The following LGALS3 variants were observed in gnomAD, a reference collection of about 807,000 sequenced individuals.
The protein encoded by LGALS3 is galectin 3.
A neutral mutation model predicts 20.7 loss-of-function variants in LGALS3; 18 were observed. The observed-to-expected ratio is 0.87, with a 90% CI of 0.60 to 1.29. LGALS3 has a LOEUF of 1.29. Among genes scored for constraint, LGALS3 ranks in the 50% most tolerant of loss-of-function variants. The pLI is 0.00. For missense variants in LGALS3, 315 were observed against 314.7 expected (o/e 1.00, Z -0.01); for synonymous variants, 112 against 119.6 (o/e 0.94, Z 0.42).
In LGALS3 at chr14:55,141,740, A is replaced by G. The variant is rs77886871; in HGVS notation, c.432-844A>G. On this transcript the variant is annotated intron_variant, in intron 4 of 5. Coordinates refer to ENST00000254301, the MANE Select transcript of LGALS3 (RefSeq NM_002306.4). The stretch of plus-strand genomic sequence containing the variant: ...AATTCTATGCTGTTTTTTCCTTACA[A>G]ATTTAATCACTGGAAGATCATTTGT... Among the ~76,000 whole-genome samples, 25 of 152,350 alleles carry G rather than the reference A, an allele frequency of 1.6e-4. No homozygotes were observed. The East Asian group carries it at 4.8e-3, about 29-fold the overall frequency.
At chr14:55,140,449 GTCTT>G (rs1390060095) in intron 4 of LGALS3, 86 bp downstream of exon 4, 12 of 746,570 alleles carry the variant, frequency 1.6e-5, no homozygotes, top group Non-Finnish European at 2.7e-5. Flanking sequence ...TTCTTGCCCT[GTCTT>G]ACAGTGCTAT....
intron 4 of LGALS3, among the ~76,000 whole-genome samples, chr14:55,140,783 T>G (rs1262787383): frequency 6.6e-6 from 1 of 152,186 alleles, no homozygotes; most frequent in Non-Finnish European, 1.5e-5. Flanking sequence ...TTGAAGAGAT[T>G]CTACAAGTTA....
At position 55,140,289 on chromosome 14, in the gene LGALS3, C is replaced by A; in HGVS notation, c.357C>A (p.Asn119Lys). 6.2e-7 allele frequency: 1 copy of A among 1,612,866 alleles called. No individual in the cohort carries two copies. Among genetic ancestry groups the A allele is most frequent in the Non-Finnish European group, 8.5e-7 (1 of 1,179,002 alleles). ...APAGPLIVPY[N>K]LPLPGGVVPR... ...TTAATTCCCAGATTGTGCCTTATAA[C>A]CTGCCTTTGCCTGGGGGAGTGGTGC... Residue 119 changes from asparagine to lysine, a missense_variant, in exon 4 of 6, where the codon AAC becomes AAA. By Grantham distance (94) the Asn-to-Lys change is moderately conservative (BLOSUM62 0). Transcript: ENST00000254301.
intron 1 of LGALS3, among the ~76,000 whole-genome samples, chr14:55,132,466 T>G (rs1051693602): frequency 3.9e-5 from 6 of 152,236 alleles, no homozygotes; most frequent in Non-Finnish European, 5.9e-5. Context: ...GAAAAAAATT[T>G]CAGGCAAGTA....
Position 55,138,090 on chromosome 14 carries a change from T to G in LGALS3, c.64T>G (p.Trp22Gly). The G allele has an allele frequency of 6.6e-7, 1 of 1,521,408 alleles. No individual in the cohort carries two copies. Among genetic ancestry groups the G allele is most frequent in the Non-Finnish European group, 8.8e-7 (1 of 1,137,568 alleles). 94.2% of individuals were successfully genotyped at this position (1,521,408 alleles called of 1,614,324 possible). A position where few individuals can be genotyped will look rare whatever the true frequency, so the allele number is the denominator to read the frequency against. Residue 22 changes from tryptophan to glycine, a missense_variant, in exon 3 of 6, where the codon TGG (tryptophan) becomes GGG (glycine). Trp to Gly is a radical substitution (Grantham distance 184, BLOSUM62 -2). Transcript: ENST00000254301. Reference sequence around the variant, plus strand: ...GTCTGGAAACCCAAACCCTCAAGGATGGCCTGGCGCATGGGGGAACCAGCC... The same window carrying G: ...GTCTGGAAACCCAAACCCTCAAGGAGGGCCTGGCGCATGGGGGAACCAGCC... Reference protein sequence around the residue: ...SGSGNPNPQGWPGAWGNQPAG... With the variant: ...SGSGNPNPQGGPGAWGNQPAG...
chr14:55,129,846 T>A lies in LGALS3; in HGVS notation c.-5+546T>A, dbSNP rs117993245. 0.034 allele frequency among the ~76,000 whole-genome samples: 5,165 copies of A among 152,212 alleles called. 137 individuals are homozygous for A. Among genetic ancestry groups the A allele is most frequent in the Non-Finnish European group, 0.051 (3,457 of 68,000 alleles). ...ACTTCCCAGGACTGCATAGGGCGCC[T>A]CCCGGGACCCACAGCTTGGCTGGCC... On this transcript the variant is annotated intron_variant, in intron 1 of 5. Transcript: ENST00000254301. This position sits in a 1 kb window ranked among gnomAD's most constrained non-coding sequence, Gnocchi z 5.3.
At chr14:55,131,862 C>T (rs983066601) in intron 1 of LGALS3, among the ~76,000 whole-genome samples, 3 of 152,194 alleles carry the variant, frequency 2.0e-5, no homozygotes, top group African/African-American at 7.2e-5. Context: ...TCCCCTTATT[C>T]CAACTTAGCA....
At chr14:55,136,413 C>T (rs930134130) in intron 1 of LGALS3, among the ~76,000 whole-genome samples, 2 of 152,060 alleles carry the variant, frequency 1.3e-5, no homozygotes. Context: ...GGTTTGAATT[C>T]CTACAGCACA....
At chr14:55,145,076 G>A (rs1881766076) in intron 5 of LGALS3, 40 bp from the exon 6 acceptor site, 2 of 1,536,142 alleles carry the variant, frequency 1.3e-6, no homozygotes, top group African/African-American at 1.4e-5. Context: ...GCTGACATAT[G>A]CATTACCTCA....
chr14:55,145,032 G>GA, intron 5 of LGALS3, 84 bp from the exon 6 acceptor site: 1 of 1,096,982 alleles, frequency 9.1e-7, no homozygotes, highest in Non-Finnish European at 1.3e-6. Context: ...TAGTGCAGAT[G>GA]AAATATGTAT....
At chr14:55,136,219 A>C (rs1881390420) in intron 1 of LGALS3, among the ~76,000 whole-genome samples, 2 of 152,144 alleles carry the variant, frequency 1.3e-5, no homozygotes, top group South Asian at 4.1e-4. Context: ...TCTTAGACCC[A>C]AATATTTTTT....
chr14:55,132,024 C>T (rs1011681484), intron 1 of LGALS3, among the ~76,000 whole-genome samples: 4 of 152,176 alleles, frequency 2.6e-5, no homozygotes, highest in Non-Finnish European at 4.4e-5. Flanking sequence ...GTGACGGTTG[C>T]GCACAGGTCA....
intron 5 of LGALS3, 93 bp downstream of exon 5, chr14:55,142,842 C>A: frequency 2.0e-6 from 2 of 1,012,094 alleles, no homozygotes. Context: ...GAGTTTTTAT[C>A]ACCTCTCCTA....
intron 2 of LGALS3, 197 bp from the exon 3 acceptor site, chr14:55,137,847 GA>G: frequency 7.7e-7 from 1 of 1,304,322 alleles, no homozygotes; most frequent in South Asian, 2.8e-5. Flanking sequence ...AGAATAAAGT[GA>G]AAAAGTATAT....
In LGALS3 at chr14:55,137,635, C is replaced by T. The variant is rs2075598; in HGVS notation, c.18+244C>T. On this transcript the variant is annotated intron_variant, in intron 2 of 5. Transcript: ENST00000254301. ...AACCCTTTCACCAAAAGGCCCAGGG[C>T]GGAAGGGAGTGGACTCTGCCGGCAG... 43,575 of 1,433,974 alleles carry T rather than the reference C, an allele frequency of 0.03. 4,684 individuals carry two copies. In the African/African-American group the frequency reaches 0.35, roughly 11 times the overall value. 88.8% of individuals were successfully genotyped at this position (1,433,974 alleles called of 1,614,324 possible). A position where few individuals can be genotyped will look rare whatever the true frequency, so the allele number is the denominator to read the frequency against.
In LGALS3 at chr14:55,138,166, G is replaced by C; in HGVS notation, c.140G>C (p.Gly47Ala). 1 of 1,605,730 alleles carries C rather than the reference G, an allele frequency of 6.2e-7. No homozygotes were observed. The highest frequency in any genetic ancestry group is 8.5e-7 in the Non-Finnish European group (1 of 1,177,196). ...PGASYPGAYP[G>A]QAPPGAYPGQ... The stretch of plus-strand genomic sequence containing the variant: ...GCTTCCTATCCTGGGGCCTACCCCG[G>C]GCAGGCACCCCCAGGGGCTTATCCT... Residue 47 changes from glycine to alanine, a missense_variant, in exon 3 of 6, where the codon GGG (glycine) becomes GCG (alanine). Transcript: ENST00000254301.
intron 5 of LGALS3, chr14:55,143,795 A>G (rs1251380897): frequency 6.6e-6 from 1 of 152,022 alleles, no homozygotes; most frequent in Admixed American, 6.6e-5. Context: ...GAATAGAAAC[A>G]CTCCAACCTG....
At chr14:55,134,248 A>G (rs1209970445) in intron 1 of LGALS3, among the ~76,000 whole-genome samples, 1 of 152,178 alleles carries the variant, frequency 6.6e-6, no homozygotes, top group Non-Finnish European at 1.5e-5. Context: ...GGTATGCTGG[A>G]GTTCTGGCAG....
chr14:55,145,286 AT>A lies in LGALS3; in HGVS notation c.*17del. ...CCATGATATAATCTGAAAGGGGCAGATTAAAAAAAAAAAAAGAATCTAAACC... is the reference window on the plus strand; with the variant it reads ...CCATGATATAATCTGAAAGGGGCAGATAAAAAAAAAAAAAGAATCTAAACC... On this transcript the variant is annotated 3_prime_UTR_variant, in exon 6 of 6. Coordinates refer to ENST00000254301, the MANE Select transcript of LGALS3 (RefSeq NM_002306.4). The A allele has an allele frequency of 6.2e-7, 1 of 1,607,742 alleles. No homozygotes were observed. The highest frequency in any genetic ancestry group is 8.5e-7 in the Non-Finnish European group (1 of 1,176,036).
Sources: allele counts gnomAD v4.1 joint callset (sites outside exome capture counted in the v4.1 genomes callset), GRCh38; gene constraint gnomAD v4.1.1; non-coding constraint Gnocchi (gnomAD v3.1); transcripts MANE v1.5; gene names NCBI Gene and HGNC (gene_info 2026-07-23, HGNC 2026-07-21).